Variants in RCAN2 observed in about 807,000 individuals in gnomAD.
RCAN2 encodes the protein regulator of calcineurin 2, also known as calcipressin-2.
RCAN2 carries 9 observed loss-of-function variants against 23.6 expected under a neutral mutation model. The ratio of observed to expected loss-of-function variants is 0.38; its 90% CI spans 0.23 to 0.67. RCAN2 has a LOEUF of 0.67. Among genes scored for constraint, RCAN2 ranks in the 30% least tolerant of loss-of-function variants. The probability of loss-of-function intolerance (pLI) is 0.51; values close to 1 mark genes in which losing one functional copy is unlikely to be tolerated. For synonymous variants in RCAN2, 109 were observed against 115.7 expected, an observed-to-expected ratio of 0.94 and a Z score of 0.37; for missense variants, 273 against 302.3, an observed-to-expected ratio of 0.90 and a Z score of 0.72.
At chr6:46,461,928 C>T (rs9381454) in intron 1 of RCAN2, among the ~76,000 whole-genome samples, 71,713 of 152,014 alleles carry the variant, frequency 0.47, 17,586 homozygotes, top group East Asian at 0.6. Context: ...GGAACATGGC[C>T]TTGCCTACCT....
intron 2 of RCAN2, among the ~76,000 whole-genome samples, chr6:46,352,878 C>A (rs909646695): frequency 5.3e-5 from 8 of 152,190 alleles, no homozygotes; most frequent in East Asian, 1.9e-4. Context: ...GTAACCCACA[C>A]GATGGGCAGG....
chr6:46,389,816 T>G (rs1765876741), intron 2 of RCAN2, among the ~76,000 whole-genome samples: 1 of 152,186 alleles, frequency 6.6e-6, no homozygotes, highest in Non-Finnish European at 1.5e-5. Context: ...GTTAGGTTGC[T>G]GAGTTCTGAT....
intron 2 of RCAN2, among the ~76,000 whole-genome samples, chr6:46,372,801 C>G (rs894400883): frequency 2.6e-5 from 4 of 152,222 alleles, no homozygotes; most frequent in African/African-American, 7.2e-5. Context: ...AAAACAACTT[C>G]CCATTTAACT....
intron 2 of RCAN2, among the ~76,000 whole-genome samples, chr6:46,451,350 A>G (rs1292901280): frequency 6.6e-6 from 1 of 152,162 alleles, no homozygotes; most frequent in Non-Finnish European, 1.5e-5. Context: ...CCTAGTAATT[A>G]AAGGGAGGAA....
intron 2 of RCAN2, among the ~76,000 whole-genome samples, chr6:46,384,203 A>G (rs1765681913): frequency 6.6e-6 from 1 of 152,102 alleles, no homozygotes; most frequent in South Asian, 2.1e-4. Context: ...TGCATTGTTA[A>G]TCCCTCATCT....
At chr6:46,411,540 G>A (rs1766549935) in intron 2 of RCAN2, among the ~76,000 whole-genome samples, 1 of 152,146 alleles carries the variant, frequency 6.6e-6, no homozygotes, top group African/African-American at 2.4e-5. Context: ...GAGGCACAGG[G>A]ACTAGAGAAG....
chr6:46,266,948 A>T (rs1474164563), intron 2 of RCAN2, among the ~76,000 whole-genome samples: 6 of 152,174 alleles, frequency 3.9e-5, no homozygotes, highest in Non-Finnish European at 8.8e-5. Context: ...CGACATTTAA[A>T]ATCAAGAATC....
chr6:46,475,231 ATCC>A (rs1768680533), intron 1 of RCAN2, among the ~76,000 whole-genome samples: 1 of 152,170 alleles, frequency 6.6e-6, no homozygotes, highest in Non-Finnish European at 1.5e-5. Flanking sequence ...GCATGTTGCC[ATCC>A]TCTGCTTCAA....
At chr6:46,369,511 G>A (rs1164177740) in intron 2 of RCAN2, among the ~76,000 whole-genome samples, 1 of 152,116 alleles carries the variant, frequency 6.6e-6, no homozygotes, top group African/African-American at 2.4e-5. Flanking sequence ...ACAACGTTAG[G>A]ATGGCTACCA....
intron 2 of RCAN2, among the ~76,000 whole-genome samples, chr6:46,384,250 A>T (rs2150394947): frequency 6.6e-6 from 1 of 152,330 alleles, no homozygotes; most frequent in African/African-American, 2.4e-5. Flanking sequence ...CAGCTCTTCT[A>T]GCAGCTTTTA....
chr6:46,469,922 C>A (rs1268007969), intron 1 of RCAN2, among the ~76,000 whole-genome samples: 1 of 152,086 alleles, frequency 6.6e-6, no homozygotes, highest in Admixed American at 6.5e-5. Flanking sequence ...GTGGAGGATA[C>A]AGCAATAAGG....
chr6:46,376,882 C>G (rs1582153418), intron 2 of RCAN2, among the ~76,000 whole-genome samples: 1 of 151,618 alleles, frequency 6.6e-6, no homozygotes, highest in Admixed American at 6.6e-5. Flanking sequence ...CCCTCCCCCA[C>G]AGCTGTATTA....
intron 4 of RCAN2, among the ~76,000 whole-genome samples, chr6:46,237,302 C>T (rs1330419749): frequency 1.3e-5 from 2 of 152,102 alleles, no homozygotes; most frequent in African/African-American, 4.8e-5. Flanking sequence ...CCTCAAAAGA[C>T]AACACAATAA....
intron 2 of RCAN2, among the ~76,000 whole-genome samples, chr6:46,258,871 C>T (rs1252789458): frequency 6.6e-6 from 1 of 152,112 alleles, no homozygotes; most frequent in Non-Finnish European, 1.5e-5. Context: ...AACCCAAACA[C>T]CTCCAATACA....
intron 2 of RCAN2, among the ~76,000 whole-genome samples, chr6:46,293,229 G>C (rs1385561892): frequency 1.3e-5 from 2 of 152,086 alleles, no homozygotes; most frequent in African/African-American, 2.4e-5. Context: ...TAATCCTTTG[G>C]ATATATACCT....
At chr6:46,246,967 A>C in intron 3 of RCAN2, 48 bp from the exon 4 acceptor site, 1 of 1,433,120 alleles carries the variant, frequency 7.0e-7, no homozygotes, top group Non-Finnish European at 9.3e-7. Flanking sequence ...ATGGCTTCAG[A>C]TGTGTCATGT....
intron 1 of RCAN2, among the ~76,000 whole-genome samples, chr6:46,460,741 C>T (rs1745428392): frequency 6.6e-6 from 1 of 152,154 alleles, no homozygotes; most frequent in African/African-American, 2.4e-5. Flanking sequence ...ATAGAAAGCC[C>T]TCAAAATAAT....
intron 2 of RCAN2, among the ~76,000 whole-genome samples, chr6:46,443,992 G>A (rs951783409): frequency 6.6e-5 from 10 of 152,164 alleles, no homozygotes; most frequent in Non-Finnish European, 1.0e-4. Flanking sequence ...TTTGGTCACC[G>A]TTTAAGAAGA....
intron 2 of RCAN2, among the ~76,000 whole-genome samples, chr6:46,312,469 C>T (rs1455143369): frequency 6.6e-6 from 1 of 152,106 alleles, no homozygotes; most frequent in Admixed American, 6.6e-5. Flanking sequence ...GTCTCCCTTG[C>T]CCAGAGTAAG....
Sources: gnomAD v4.1 joint callset for allele counts (sites outside exome capture counted in the v4.1 genomes callset) on GRCh38, gnomAD v4.1.1 for gene constraint, MANE v1.5 for transcripts, NCBI Gene and HGNC (gene_info 2026-07-23, HGNC 2026-07-21) for gene names.